The following DPYD variants were observed in gnomAD, a reference collection of about 807,000 sequenced individuals.
DPYD encodes the protein dihydropyrimidine dehydrogenase [NADP(+)].
In DPYD, 109 loss-of-function variants were observed where a neutral mutation model predicts 116.2. The observed-to-expected ratio is 0.94, with a 90% CI of 0.80 to 1.10. DPYD has a LOEUF of 1.10. Ranked by LOEUF, DPYD falls within the 50% of genes least tolerant of loss-of-function variation. The pLI is 0.00. For missense variants in DPYD, 1,302 were observed against 1,254.5 expected (o/e 1.04, Z -0.57); for synonymous variants, 440 against 432.0 (o/e 1.02, Z -0.23).
intron 13 of DPYD, among the ~76,000 whole-genome samples, chr1:97,455,267 A>G (rs1452719757): frequency 6.6e-6 from 1 of 151,956 alleles, no homozygotes; most frequent in African/African-American, 2.4e-5. Context: ...GTTATGCAGT[A>G]GTATAGTGTA....
At chr1:97,084,018 G>A (rs1164669747) in intron 21 of DPYD, among the ~76,000 whole-genome samples, 1 of 151,678 alleles carries the variant, frequency 6.6e-6, no homozygotes, top group Non-Finnish European at 1.5e-5. Context: ...TACTTGATAA[G>A]TTTCATCCTC....
At chr1:97,770,803 T>C (rs934997743) in intron 3 of DPYD, among the ~76,000 whole-genome samples, 8 of 152,184 alleles carry the variant, frequency 5.3e-5, no homozygotes, top group Non-Finnish European at 1.0e-4. Context: ...ACTAGTTCCT[T>C]AATATATCTT....
intron 3 of DPYD, among the ~76,000 whole-genome samples, chr1:97,799,888 A>G (rs1454258040): frequency 6.6e-6 from 1 of 151,790 alleles, no homozygotes; most frequent in Admixed American, 6.6e-5. Flanking sequence ...TTCTTTCTGA[A>G]TTTTCTAATT....
At chr1:97,401,535 A>C (rs1673379195) in intron 14 of DPYD, among the ~76,000 whole-genome samples, 1 of 152,078 alleles carries the variant, frequency 6.6e-6, no homozygotes, top group African/African-American at 2.4e-5. Flanking sequence ...GCTGGTTTCA[A>C]ACTCCTGACC....
At chr1:97,668,201 A>G (rs1454964297) in intron 8 of DPYD, among the ~76,000 whole-genome samples, 1 of 152,170 alleles carries the variant, frequency 6.6e-6, no homozygotes, top group East Asian at 1.9e-4. Flanking sequence ...AATTAATTTA[A>G]AATATTTTTT....
chr1:97,695,658 G>A (rs190390234), intron 6 of DPYD, among the ~76,000 whole-genome samples: 7 of 151,936 alleles, frequency 4.6e-5, no homozygotes, highest in Non-Finnish European at 8.8e-5. Flanking sequence ...GTAGGTATCA[G>A]GTCGTGGAAG....
intron 12 of DPYD, among the ~76,000 whole-genome samples, chr1:97,535,393 C>A (rs760523815): frequency 4.6e-5 from 7 of 152,126 alleles, no homozygotes; most frequent in Non-Finnish European, 7.4e-5. Context: ...GCATGGGATG[C>A]ATAACACTTC....
intron 20 of DPYD, among the ~76,000 whole-genome samples, chr1:97,141,754 T>TG (rs1321671686): frequency 6.6e-6 from 1 of 152,210 alleles, no homozygotes; most frequent in African/African-American, 2.4e-5. Flanking sequence ...GAACAGTGGC[T>TG]GACACATGGT....
At chr1:97,920,760 G>T in intron 1 of DPYD, 124 bp downstream of exon 1, 7 of 1,373,128 alleles carry the variant, frequency 5.1e-6, no homozygotes, top group Non-Finnish European at 7.0e-6. Context: ...AGCTCCCACG[G>T]GGGAAACTTT....
chr1:97,162,056 G>A (rs1171154824), intron 20 of DPYD, among the ~76,000 whole-genome samples: 1 of 151,870 alleles, frequency 6.6e-6, no homozygotes, highest in Non-Finnish European at 1.5e-5. Context: ...CTTTATAGCA[G>A]CATGATTTAT....
At chr1:97,735,927 A>G (rs1663917033) in intron 4 of DPYD, among the ~76,000 whole-genome samples, 2 of 151,916 alleles carry the variant, frequency 1.3e-5, no homozygotes, top group Admixed American at 1.3e-4. Flanking sequence ...AAACCCCCAC[A>G]CTGTAAATAA....
chr1:97,913,524 C>G (rs1426627936), intron 1 of DPYD, among the ~76,000 whole-genome samples: 1 of 152,076 alleles, frequency 6.6e-6, no homozygotes, highest in South Asian at 2.1e-4. Context: ...AAAATTATCC[C>G]CAGGCTTATC....
chr1:97,624,728 C>G (rs890258038), intron 8 of DPYD, among the ~76,000 whole-genome samples: 1 of 151,878 alleles, frequency 6.6e-6, no homozygotes, highest in African/African-American at 2.4e-5. Context: ...TATCTATCAA[C>G]AGATAAATGG....
At chr1:97,363,314 G>A (rs1265917130) in intron 16 of DPYD, among the ~76,000 whole-genome samples, 1 of 152,200 alleles carries the variant, frequency 6.6e-6, no homozygotes, top group Non-Finnish European at 1.5e-5. Flanking sequence ...AGATGCTGGA[G>A]AGGATGTGGA....
chr1:97,699,607 A>AT (rs1312052810), intron 5 of DPYD, 60 bp from the exon 6 acceptor site: 6 of 1,504,362 alleles, frequency 4.0e-6, no homozygotes, highest in Non-Finnish European at 5.5e-6. Context: ...CCTCAAACAT[A>AT]TTTTTAATGT....
At chr1:97,880,050 G>T (rs1033615796) in intron 2 of DPYD, among the ~76,000 whole-genome samples, 2 of 151,468 alleles carry the variant, frequency 1.3e-5, no homozygotes, top group Non-Finnish European at 3.0e-5. Context: ...AGAGATATAT[G>T]TATATATATC....
At chr1:97,614,983 T>C (rs1034740980) in intron 8 of DPYD, among the ~76,000 whole-genome samples, 6 of 152,130 alleles carry the variant, frequency 3.9e-5, no homozygotes, top group Non-Finnish European at 7.4e-5. Context: ...CAGGGCAATA[T>C]CTAGTTTTTC....
intron 3 of DPYD, among the ~76,000 whole-genome samples, chr1:97,778,188 A>AAGAG (rs72197937): frequency 1.3e-4 from 14 of 106,302 alleles, no homozygotes; most frequent in African/African-American, 4.9e-4. Context: ...GAAAGAAAGA[A>AAGAG]AGAGAGAGAG....
chr1:97,836,212 A>T (rs774552068), intron 2 of DPYD, among the ~76,000 whole-genome samples: 1 of 152,164 alleles, frequency 6.6e-6, no homozygotes, highest in Non-Finnish European at 1.5e-5. Flanking sequence ...CTACTTGAAC[A>T]TCAGTGGTGT....
Sources: gnomAD v4.1 joint callset for allele counts (sites outside exome capture counted in the v4.1 genomes callset) on GRCh38, gnomAD v4.1.1 for gene constraint, MANE v1.5 for transcripts, NCBI Gene and HGNC (gene_info 2026-07-23, HGNC 2026-07-21) for gene names.